ALG1: variants seen among roughly 807,000 people sequenced by gnomAD.
ALG1 encodes the protein ALG1 chitobiosyldiphosphodolichol beta-mannosyltransferase, also known as chitobiosyldiphosphodolichol beta-mannosyltransferase.
Under a neutral mutation model 55.1 loss-of-function variants are expected in ALG1, and 58 were observed. That is an observed-to-expected ratio of 1.05 (90% CI 0.85 to 1.31). The LOEUF (loss-of-function observed/expected upper bound fraction) is 1.31. ALG1 is among the 50% of genes most tolerant of loss of function. The pLI, the probability that ALG1 is intolerant of heterozygous loss-of-function variation, is 0.00. For synonymous variants in ALG1, 309 were observed against 247.0 expected (o/e 1.25, Z -2.35); for missense variants, 761 against 598.6 (o/e 1.27, Z -2.83).
At chr16:5,080,067 TG>T (rs1018335298) in intron 9 of ALG1, among the ~76,000 whole-genome samples, 2 of 145,966 alleles carry the variant, frequency 1.4e-5, no homozygotes, top group African/African-American at 5.0e-5. Context: ...GTTACGTCAT[TG>T]GTGTCTTTTT....
intron 4 of ALG1, among the ~76,000 whole-genome samples, chr16:5,076,080 G>C (rs1956907634): frequency 6.6e-6 from 1 of 152,236 alleles, no homozygotes; most frequent in South Asian, 2.1e-4. Flanking sequence ...AGTTGCTGCA[G>C]CTGATGTGAC....
chr16:5,075,173 G>T (rs546898632), intron 3 of ALG1, among the ~76,000 whole-genome samples: 21 of 152,042 alleles, frequency 1.4e-4, no homozygotes, highest in African/African-American at 4.8e-4. Context: ...CAAAGTGTTG[G>T]GATTACAGGC....
chr16:5,074,999 G>A (rs1483091342), intron 3 of ALG1, among the ~76,000 whole-genome samples: 4 of 152,092 alleles, frequency 2.6e-5, no homozygotes, highest in Non-Finnish European at 1.5e-5. Context: ...ATCCTCCTGG[G>A]CTCAAGTGAT....
rs781737396 is a variant in ALG1 at position 5,085,664 on chromosome 16, A to G, written c.*783A>G. 3 of 1,611,736 alleles carry G rather than the reference A, an allele frequency of 1.9e-6. No individual in the cohort carries two copies. Among genetic ancestry groups the G allele is most frequent in the Non-Finnish European group, 1.7e-6 (2 of 1,179,620 alleles). On this transcript the variant is annotated 3_prime_UTR_variant, in exon 13 of 13. Transcript: ENST00000262374. ...GTGAGATTCAGCATTGCCATCTCCA[A>G]GTGCTCTTCGTAGGGAAACAGTTTC...
chr16:5,084,635 T>A, intron 12 of ALG1, 115 bp from the exon 13 acceptor site: 2 of 1,492,822 alleles, frequency 1.3e-6, no homozygotes, highest in South Asian at 1.1e-5. Context: ...AGTGAGGGAG[T>A]TAGGGACTTG....
In ALG1 at chr16:5,081,466, T is replaced by G. The variant is rs528091337; in HGVS notation, c.1072+410T>G. ...CTCTTTCCCCGTTGATTTCTCCAAG[T>G]GGGGAGTCGTGCCTTGGTCCTGATG... is the stretch of plus-strand genomic sequence containing the variant. On this transcript the variant is annotated intron_variant, in intron 10 of 12. Coordinates refer to ENST00000262374, the MANE Select transcript of ALG1 (RefSeq NM_019109.5). 4.6e-3 allele frequency among the ~76,000 whole-genome samples: 698 copies of G among 152,346 alleles called. 2 individuals carry two copies. The highest frequency in any genetic ancestry group is 8.1e-3 in the Non-Finnish European group (552 of 68,028).
In ALG1 at chr16:5,086,914, C is replaced by T. The variant is rs1350711502; in HGVS notation, c.*2033C>T. On this transcript the variant is annotated 3_prime_UTR_variant, in exon 13 of 13. Coordinates refer to ENST00000262374, the MANE Select transcript of ALG1 (RefSeq NM_019109.5). ...ACTCGACCTCCCGTGATCTGCTCAC[C>T]TCAGCCTCCCAAAGCCTCAGCCTCT... 2.0e-5 allele frequency: 3 copies of T among 152,180 alleles called. No homozygotes were observed. The highest frequency in any genetic ancestry group is 4.4e-5 in the Non-Finnish European group (3 of 68,036). 9.4% of individuals were successfully genotyped at this position (152,180 alleles called of 1,614,324 possible).
At chr16:5,075,599 A>G in intron 4 of ALG1, 63 bp downstream of exon 4, 1 of 1,603,530 alleles carries the variant, frequency 6.2e-7, no homozygotes, top group Non-Finnish European at 8.5e-7. Context: ...AGTGAGAAGA[A>G]GGGCCATAGT....
intron 11 of ALG1, among the ~76,000 whole-genome samples, chr16:5,083,469 C>T (rs903736540): frequency 2.6e-5 from 4 of 152,206 alleles, no homozygotes; most frequent in African/African-American, 4.8e-5. Flanking sequence ...AAGGCTCCCT[C>T]CTCAAATGGG....
In ALG1 at chr16:5,075,509, A is replaced by AC; in HGVS notation, c.514dup (p.His172ProfsTer35). On this transcript the variant is annotated frameshift_variant, in exon 4 of 13. Transcript: ENST00000262374. LOFTEE classifies it high-confidence loss of function. ...ATCATGGGTCTGGTGCATGGCCCCA[A>AC]CCATCCCCTCGTTCTGCTGGCCAAG... 6.2e-7 allele frequency: 1 copy of AC among 1,614,162 alleles called. No homozygotes were observed. The highest frequency in any genetic ancestry group is 1.1e-5 in the South Asian group (1 of 91,078).
chr16:5,079,801 A>C lies in ALG1; in HGVS notation c.955A>C (p.Ile319Leu). The C allele has an allele frequency of 6.2e-7, 1 of 1,611,758 alleles. No individual in the cohort carries two copies. Among genetic ancestry groups the C allele is most frequent in the East Asian group, 2.2e-5 (1 of 44,858 alleles). The change falls in exon 9 of 13, where the codon ATA becomes CTA. Residue 319 changes from isoleucine to leucine, a missense_variant. By Grantham distance (5) the Ile-to-Leu change is conservative. Transcript: ENST00000262374. Reference sequence around the variant, plus strand: ...CAACCTTCCTTCTCTCGTCTGTGTGATAACAGGTACTGCCTGGGACCCTGG... The same window carrying C: ...CAACCTTCCTTCTCTCGTCTGTGTGCTAACAGGTACTGCCTGGGACCCTGG... Reference protein sequence around the residue: ...GHNLPSLVCVITGKGPLREYY... With the variant: ...GHNLPSLVCVLTGKGPLREYY...
chr16:5,079,731 T>C lies in ALG1; in HGVS notation c.902-17T>C, dbSNP rs1375740356. 11 of 1,611,334 alleles carry C rather than the reference T, an allele frequency of 6.8e-6. No homozygotes were observed. Among genetic ancestry groups the C allele is most frequent in the Non-Finnish European group, 9.3e-6 (11 of 1,179,382 alleles). The stretch of plus-strand genomic sequence containing the variant: ...ATCAGAAATTCCATGTAGAATTGTT[T>C]CTTTTTCTAAACACAGAGTTTGAAC... On this transcript the variant is annotated splice_polypyrimidine_tract_variant and intron_variant, in intron 8 of 12. Transcript: ENST00000262374.
Position 5,085,791 on chromosome 16 carries a change from A to G in ALG1, c.*910A>G, listed in dbSNP as rs1691634422. 3.1e-6 allele frequency: 4 copies of G among 1,305,208 alleles called. No homozygotes were observed. The Admixed American group carries it at 5.0e-5, about 16-fold the overall frequency. 80.9% of individuals were successfully genotyped at this position (1,305,208 alleles called of 1,614,324 possible). A position where few individuals can be genotyped will look rare whatever the true frequency, so the allele number is the denominator to read the frequency against. The stretch of plus-strand genomic sequence containing the variant: ...GTGTTTGGGGACAGGACATGAGGGT[A>G]TTGTGTGGGGCTGCTAGGACAGGCC... On this transcript the variant is annotated 3_prime_UTR_variant, in exon 13 of 13. Transcript: ENST00000262374.
intron 9 of ALG1, 123 bp from the exon 10 acceptor site, chr16:5,080,823 G>C: frequency 7.4e-7 from 1 of 1,351,940 alleles, no homozygotes; most frequent in Non-Finnish European, 1.0e-6. Context: ...GGGCCTGACT[G>C]GAGCTGCTGA....
At chr16:5,078,478 C>T in intron 6 of ALG1, 1 of 666,852 alleles carries the variant, frequency 1.5e-6, no homozygotes, top group Non-Finnish European at 2.7e-6. Context: ...GGGAGGGCGT[C>T]CCTGCACCCT....
Position 5,086,349 on chromosome 16 carries a change from A to C in ALG1, c.*1468A>C, listed in dbSNP as rs1957168037. The stretch of plus-strand genomic sequence containing the variant: ...GACTAAGTCTCAAAAAAAAAAAAAA[A>C]AAACCACACGCACCACACACACACC... On this transcript the variant is annotated 3_prime_UTR_variant, in exon 13 of 13. Coordinates refer to ENST00000262374, the MANE Select transcript of ALG1 (RefSeq NM_019109.5). 7.6e-6 allele frequency among the ~76,000 whole-genome samples: 1 copy of C among 131,282 alleles called. No homozygotes were observed. The highest frequency in any genetic ancestry group is 1.7e-5 in the Non-Finnish European group (1 of 59,770). The allele number at this position is 131,282 out of a possible 152,430, so 86.1% of individuals were successfully genotyped here.
At position 5,080,962 on chromosome 16, in the gene ALG1, G is replaced by A. The variant is rs746218352; in HGVS notation, c.978G>A (p.Arg326=). ...TCTGTGAAGGCAAAGGGCCTCTGAG[G>A]GAGTATTATAGCCGCCTCATCCACC... ...VCVITGKGPL[R]EYYSRLIHQK... Residue 326 remains arginine, a synonymous_variant, in exon 10 of 13, where the codon AGG becomes AGA. Transcript: ENST00000262374. The A allele has an allele frequency of 1.3e-6, 2 of 1,596,286 alleles. No homozygotes were observed. The highest frequency in any genetic ancestry group is 1.3e-5 in the African/African-American group (1 of 74,824).
chr16:5,080,218 C>T (rs1433988045), intron 9 of ALG1, among the ~76,000 whole-genome samples: 1 of 151,888 alleles, frequency 6.6e-6, no homozygotes, highest in Non-Finnish European at 1.5e-5. Context: ...CAGGTGCCCA[C>T]CACAACTGCC....
In ALG1 at chr16:5,085,949, C is replaced by T. The variant is rs1370974467; in HGVS notation, c.*1068C>T. 6.6e-6 allele frequency among the ~76,000 whole-genome samples: 1 copy of T among 152,188 alleles called. No homozygotes were observed. Among genetic ancestry groups the T allele is most frequent in the African/African-American group, 2.4e-5 (1 of 41,448 alleles). ...CATAGAAATGGCTAGCAGCAGGCAC[C>T]GTGCCGCTGTCCACTCTCTGCCTGT... On this transcript the variant is annotated 3_prime_UTR_variant, in exon 13 of 13. Coordinates refer to ENST00000262374, the MANE Select transcript of ALG1 (RefSeq NM_019109.5).
Sources: allele counts gnomAD v4.1 joint callset (sites outside exome capture counted in the v4.1 genomes callset), GRCh38; gene constraint gnomAD v4.1.1; transcripts MANE v1.5; gene names NCBI Gene and HGNC (gene_info 2026-07-23, HGNC 2026-07-21).